CRACD: variants seen among roughly 807,000 people sequenced by gnomAD.
The protein encoded by CRACD is capping protein inhibiting regulator of actin dynamics.
In CRACD, 56 loss-of-function variants were observed where a neutral mutation model predicts 106.8. The ratio of observed to expected loss-of-function variants is 0.52; its 90% CI spans 0.42 to 0.66. The LOEUF is 0.66. Among genes scored for constraint, CRACD ranks in the 30% least tolerant of loss-of-function variants. CRACD has a pLI of 0.00. For synonymous variants in CRACD, 754 were observed against 670.8 expected (o/e 1.12, Z -1.92); for missense variants, 1,730 against 1,623.2 (o/e 1.07, Z -1.13).
At chr4:56,279,070 G>A (rs1408924104) in intron 3 of CRACD, among the ~76,000 whole-genome samples, 11 of 151,774 alleles carry the variant, frequency 7.2e-5, no homozygotes, top group Admixed American at 6.6e-4. Flanking sequence ...ATGGTTTAGG[G>A]TAATGTTTAG....
At position 56,323,524 on chromosome 4, in the gene CRACD, A is replaced by C. The variant is rs1415475994; in HGVS notation, c.3335A>C (p.Gln1112Pro). The C allele has an allele frequency of 1.9e-6, 3 of 1,602,402 alleles. No homozygotes were observed. The South Asian group carries it at 3.4e-5, about 18-fold the overall frequency. Residue 1112 changes from glutamine to proline, a missense_variant, in exon 9 of 11, where the codon CAA becomes CCA. Physicochemically the swap from Gln to Pro is moderately conservative, Grantham distance 76 (BLOSUM62 -1). This residue lies in a region of CRACD where 1,620 missense variants were observed against 1,481.6 expected (regional missense o/e 1.09). Transcript: ENST00000682029. ...EQQATREERK[Q>P]AREAKQAEKL... is the part of the protein sequence containing the mutation. ...CAGGCGACGCGGGAGGAGAGAAAGC[A>C]AGCCAGAGAGGCCAAACAGGCAGAA...
In CRACD at chr4:56,316,274, C is replaced by T. The variant is rs918636383; in HGVS notation, c.2772C>T (p.Ser924=). ...CCCGGAGGGACTCCGCTGAACCTTC[C>T]AGCAGCCGCTCTGTTCCTGTGGCCC... ...PSTRRDSAEP[S]SSRSVPVAHP... The change falls in exon 8 of 11, where the codon TCC becomes TCT. Residue 924 remains serine, a synonymous_variant. Transcript: ENST00000682029. 7.4e-6 allele frequency: 12 copies of T among 1,613,974 alleles called. No individual in the cohort carries two copies. The highest frequency in any genetic ancestry group is 1.0e-5 in the Non-Finnish European group (12 of 1,179,846).
intron 8 of CRACD, among the ~76,000 whole-genome samples, chr4:56,319,536 C>A (rs970301040): frequency 6.6e-6 from 1 of 151,030 alleles, no homozygotes; most frequent in African/African-American, 2.4e-5. Context: ...CCTAGTAGGT[C>A]GAGGCTACAG....
At chr4:56,295,795 GT>G (rs1743986696) in intron 3 of CRACD, among the ~76,000 whole-genome samples, 1 of 150,692 alleles carries the variant, frequency 6.6e-6, no homozygotes, top group Non-Finnish European at 1.5e-5. Context: ...TGAAAAAGAA[GT>G]TTAGACAGAG....
Position 56,262,973 on chromosome 4 carries a change from T to A in CRACD, c.-188-9348T>A, listed in dbSNP as rs1741795403. Among the ~76,000 whole-genome samples, 3 of 152,150 alleles carry A rather than the reference T, an allele frequency of 2.0e-5. No individual in the cohort carries two copies. In the South Asian group the frequency reaches 6.2e-4, roughly 32 times the overall value. On this transcript the variant is annotated intron_variant, in intron 2 of 10. Transcript: ENST00000682029. ...GGGAAGAGGGAATGGTAGGTCTATGTTGTTGAGCATCTGGTTTGTGTCAGG... is the reference window on the plus strand; with the variant it reads ...GGGAAGAGGGAATGGTAGGTCTATGATGTTGAGCATCTGGTTTGTGTCAGG...
At chr4:56,160,919 T>G (rs1275686483) in intron 1 of CRACD, among the ~76,000 whole-genome samples, 1 of 152,210 alleles carries the variant, frequency 6.6e-6, no homozygotes, top group Non-Finnish European at 1.5e-5. Flanking sequence ...CCTCAGTACC[T>G]TTTATCTTGA....
At chr4:56,214,291 A>G (rs1347917467) in intron 2 of CRACD, among the ~76,000 whole-genome samples, 1 of 152,080 alleles carries the variant, frequency 6.6e-6, no homozygotes, top group Non-Finnish European at 1.5e-5. Flanking sequence ...CTGCACATGT[A>G]TTTTTTTATT....
At chr4:56,296,331 T>G (rs1280692936) in intron 3 of CRACD, among the ~76,000 whole-genome samples, 1 of 141,642 alleles carries the variant, frequency 7.1e-6, no homozygotes, top group Non-Finnish European at 1.5e-5. Flanking sequence ...CTCCACACAG[T>G]TTTTTTTTTA....
At chr4:56,086,207 G>A (rs551920852) in intron 1 of CRACD, among the ~76,000 whole-genome samples, 7 of 152,282 alleles carry the variant, frequency 4.6e-5, no homozygotes, top group African/African-American at 1.7e-4. Context: ...AATCTTGGGA[G>A]GGAGCCAGGA....
At chr4:56,196,788 A>G (rs887099449) in intron 2 of CRACD, among the ~76,000 whole-genome samples, 4 of 152,196 alleles carry the variant, frequency 2.6e-5, no homozygotes, top group African/African-American at 9.7e-5. Flanking sequence ...CCTAACTAAT[A>G]AGACACTTGA....
intron 3 of CRACD, among the ~76,000 whole-genome samples, chr4:56,286,172 C>A (rs1195385247): frequency 6.6e-6 from 1 of 152,178 alleles, no homozygotes; most frequent in South Asian, 2.1e-4. Context: ...GTGGGCAGAT[C>A]ACTTGAGGCC....
intron 3 of CRACD, among the ~76,000 whole-genome samples, chr4:56,292,845 T>C (rs1743779992): frequency 6.6e-6 from 1 of 151,922 alleles, no homozygotes; most frequent in African/African-American, 2.4e-5. Flanking sequence ...TTTTGAGGCA[T>C]GATGTGTGAA....
intron 3 of CRACD, among the ~76,000 whole-genome samples, chr4:56,296,965 G>A (rs1744085618): frequency 1.3e-5 from 2 of 149,298 alleles, no homozygotes; most frequent in Non-Finnish European, 3.0e-5. Flanking sequence ...TCTCACCTAG[G>A]CTGGAGTGCA....
chr4:56,170,465 T>G (rs1453955328), intron 1 of CRACD, among the ~76,000 whole-genome samples: 4 of 152,098 alleles, frequency 2.6e-5, no homozygotes, highest in African/African-American at 9.7e-5. Flanking sequence ...TTTATATACT[T>G]TTGGTATTGG....
intron 2 of CRACD, among the ~76,000 whole-genome samples, chr4:56,205,265 T>C (rs1738067985): frequency 6.6e-6 from 1 of 152,096 alleles, no homozygotes; most frequent in African/African-American, 2.4e-5. Flanking sequence ...AGAGCTAGGA[T>C]GCTGTTCATA....
intron 8 of CRACD, among the ~76,000 whole-genome samples, chr4:56,320,519 G>A (rs1000659603): frequency 6.6e-5 from 10 of 152,164 alleles, no homozygotes; most frequent in African/African-American, 1.2e-4. Flanking sequence ...TCCTTTGTGC[G>A]ACATCATTTA....
At chr4:56,122,049 C>T (rs1241084722) in intron 1 of CRACD, among the ~76,000 whole-genome samples, 1 of 152,098 alleles carries the variant, frequency 6.6e-6, no homozygotes, top group African/African-American at 2.4e-5. Context: ...TGGTGTGCAC[C>T]TGTAGTCCCA....
At chr4:56,192,524 A>T (rs1167196203) in intron 2 of CRACD, among the ~76,000 whole-genome samples, 1 of 152,234 alleles carries the variant, frequency 6.6e-6, no homozygotes, top group African/African-American at 2.4e-5. Flanking sequence ...TACAAATGTG[A>T]AATCTAATGT....
chr4:56,093,406 CT>C (rs1259194492), intron 1 of CRACD, among the ~76,000 whole-genome samples: 3 of 152,120 alleles, frequency 2.0e-5, no homozygotes, highest in Non-Finnish European at 4.4e-5. Flanking sequence ...ATTTTTGCTT[CT>C]TTTCTCTTAA....
Sources: gnomAD v4.1 joint callset for allele counts (sites outside exome capture counted in the v4.1 genomes callset) on GRCh38, gnomAD v4.1.1 for gene constraint, gnomAD v4.1.1 regional missense constraint, MANE v1.5 for transcripts, NCBI Gene and HGNC (gene_info 2026-07-23, HGNC 2026-07-21) for gene names.